The following TBXAS1 variants were observed in gnomAD, a reference collection of about 807,000 sequenced individuals.
TBXAS1 encodes the protein thromboxane A synthase 1, also known as thromboxane-A synthase.
Under a neutral mutation model 60.7 loss-of-function variants are expected in TBXAS1, and 48 were observed. That is an observed-to-expected ratio of 0.79 (90% CI 0.63 to 1.01). The LOEUF is 1.01. TBXAS1 is among the 50% of genes least tolerant of loss of function. The pLI, the probability that TBXAS1 is intolerant of heterozygous loss-of-function variation, is 0.00. For missense variants in TBXAS1, 685 were observed against 686.3 expected (o/e 1.00, Z 0.02); for synonymous variants, 287 against 269.7 (o/e 1.06, Z -0.63).
chr7:139,885,635 C>G (rs916666208), intron 3 of TBXAS1, among the ~76,000 whole-genome samples: 1 of 152,160 alleles, frequency 6.6e-6, no homozygotes, highest in East Asian at 1.9e-4. Context: ...GAAAGACAAG[C>G]CATCTTTGAT....
intron 4 of TBXAS1, among the ~76,000 whole-genome samples, chr7:139,795,474 A>T: frequency 1.0e-5 from 1 of 96,076 alleles, no homozygotes; most frequent in Non-Finnish European, 2.1e-5. Context: ...TTGCCTGTTC[A>T]CTCTGATGGT....
At chr7:139,964,666 G>C (rs1810642642) in intron 9 of TBXAS1, among the ~76,000 whole-genome samples, 1 of 151,908 alleles carries the variant, frequency 6.6e-6, no homozygotes, top group Non-Finnish European at 1.5e-5. Flanking sequence ...GCTAGGAGAG[G>C]GGGCAGAAGC....
chr7:139,827,385 ATAGT>A (rs545337206), upstream of TBXAS1, among the ~76,000 whole-genome samples: 154 of 152,328 alleles, frequency 1.0e-3, 1 homozygote, highest in Admixed American at 8.3e-3. Flanking sequence ...AAGGCAGCAG[ATAGT>A]TAGTTGGTGA....
intron 4 of TBXAS1, among the ~76,000 whole-genome samples, chr7:139,802,775 C>T (rs1787607326): frequency 6.6e-6 from 1 of 151,952 alleles, no homozygotes; most frequent in Admixed American, 6.6e-5. Context: ...CAGAGTGAGA[C>T]TTGGTCTCAA....
Position 139,997,462 on chromosome 7 carries a change from G to A in TBXAS1, c.1135-9629G>A, listed in dbSNP as rs760911815. On this transcript the variant is annotated intron_variant, in intron 9 of 12. Transcript: ENST00000448866. Reference sequence around the variant, plus strand: ...TCGAATCTAGTTGATGTTGGAATGCGTTTTTGCTTATGAGTGCTGAGTGCT... The same window carrying A: ...TCGAATCTAGTTGATGTTGGAATGCATTTTTGCTTATGAGTGCTGAGTGCT... Among the ~76,000 whole-genome samples the A allele has an allele frequency of 7.9e-5, 12 of 152,220 alleles. No homozygotes were observed. In the East Asian group the frequency reaches 9.6e-4, roughly 12 times the overall value.
intron 1 of TBXAS1, among the ~76,000 whole-genome samples, chr7:139,779,760 G>A (rs1400663350): frequency 6.6e-6 from 1 of 152,212 alleles, no homozygotes; most frequent in Non-Finnish European, 1.5e-5. Context: ...GTGGGGCTGA[G>A]TGCCTTGGCT....
chr7:139,899,082 A>G lies in TBXAS1; in HGVS notation c.237-12143A>G, dbSNP rs144997499. Among the ~76,000 whole-genome samples the G allele has an allele frequency of 6.7e-4, 102 of 151,880 alleles. 1 individual carries two copies. The highest frequency in any genetic ancestry group is 2.1e-3 in the African/African-American group (89 of 41,406). ...ACTGAACGTTCAAGGAATAGATAAGATGAAAAGGACAGTGCCCCATAATTT... is the reference window on the plus strand; with the variant it reads ...ACTGAACGTTCAAGGAATAGATAAGGTGAAAAGGACAGTGCCCCATAATTT... On this transcript the variant is annotated intron_variant, in intron 3 of 12. Coordinates refer to ENST00000448866, the MANE Select transcript of TBXAS1 (RefSeq NM_001061.7).
intron 8 of TBXAS1, 90 bp from the exon 9 acceptor site, chr7:139,961,829 C>A: frequency 2.0e-6 from 3 of 1,497,810 alleles, no homozygotes; most frequent in Non-Finnish European, 2.8e-6. Flanking sequence ...AAAAGCTATG[C>A]CCATGTATCT....
chr7:139,905,048 T>TC (rs1470288778), intron 3 of TBXAS1, among the ~76,000 whole-genome samples: 5 of 90,716 alleles, frequency 5.5e-5, no homozygotes, highest in African/African-American at 2.9e-4. Flanking sequence ...TCTTTCTTTC[T>TC]TTCTTTCTTT....
chr7:139,905,031 CTTTCTTTCTT>C (rs1804916891), intron 3 of TBXAS1, among the ~76,000 whole-genome samples: 1 of 84,900 alleles, frequency 1.2e-5, no homozygotes, highest in African/African-American at 5.8e-5. Context: ...TTCTTTCTTT[CTTTCTTTCTT>C]TCTTTCTTTC....
Position 139,875,659 on chromosome 7 carries a change from T to G in TBXAS1, c.236+22T>G, listed in dbSNP as rs17161199. ...GTGGGTAAGAAGGAAACTCAACGTT[T>G]CTATTATGTACGATATTTTCTATTA... On this transcript the variant is annotated intron_variant, in intron 3 of 12. Transcript: ENST00000448866. The G allele has an allele frequency of 8.4e-3, 13,520 of 1,613,872 alleles. 158 individuals carry two copies. Among genetic ancestry groups the G allele is most frequent in the African/African-American group, 0.035 (2,607 of 75,032 alleles).
intron 1 of TBXAS1, among the ~76,000 whole-genome samples, chr7:139,851,950 G>C (rs943351700): frequency 6.6e-6 from 1 of 152,212 alleles, no homozygotes; most frequent in Admixed American, 6.5e-5. Flanking sequence ...GATTATTGGA[G>C]ACTGGGGTTT....
intron 3 of TBXAS1, among the ~76,000 whole-genome samples, chr7:139,891,473 G>A (rs908541459): frequency 2.0e-5 from 3 of 152,114 alleles, no homozygotes; most frequent in African/African-American, 4.8e-5. Context: ...TGGCTAGTAA[G>A]AGGTGTGAGC....
rs149798234 is a variant in TBXAS1 at position 139,847,964 on chromosome 7, G to T, written c.89+18485G>T. The stretch of plus-strand genomic sequence containing the variant: ...AGCCTCTCAAGTAGCTAGAACTATA[G>T]ACATGTGCCACCATGCCCAGTTAAT... On this transcript the variant is annotated intron_variant, in intron 1 of 12. Transcript: ENST00000448866. Among the ~76,000 whole-genome samples, 1,220 of 152,182 alleles carry T rather than the reference G, an allele frequency of 8.0e-3. 9 individuals are homozygous for T. Among genetic ancestry groups the T allele is most frequent in the Non-Finnish European group, 0.012 (808 of 68,016 alleles).
intron 9 of TBXAS1, among the ~76,000 whole-genome samples, chr7:139,986,107 C>A (rs1364425976): frequency 6.6e-6 from 1 of 152,210 alleles, no homozygotes; most frequent in Non-Finnish European, 1.5e-5. Flanking sequence ...ACAGAATGGA[C>A]ATGGGGAGGC....
intron 4 of TBXAS1, among the ~76,000 whole-genome samples, chr7:139,809,149 A>ATAGG: frequency 1.3e-5 from 2 of 148,478 alleles, no homozygotes; most frequent in African/African-American, 5.0e-5. Flanking sequence ...CCAATAGGAG[A>ATAGG]TAGGTAGATA....
At position 139,962,446 on chromosome 7, in the gene TBXAS1, G is replaced by A. The variant is rs577600024; in HGVS notation, c.1134+213G>A. The A allele has an allele frequency of 3.8e-4, 217 of 566,924 alleles. No individual in the cohort carries two copies. The African/African-American group carries it at 3.9e-3, about 10-fold the overall frequency. 35.1% of individuals were successfully genotyped at this position (566,924 alleles called of 1,614,324 possible). A position where few individuals can be genotyped will look rare whatever the true frequency, so the allele number is the denominator to read the frequency against. ...TAACCACAACAAAAAGACAAATTGT[G>A]TGTGCACCTTCACTGTCTGGGGTAG... On this transcript the variant is annotated intron_variant, in intron 9 of 12. Coordinates refer to ENST00000448866, the MANE Select transcript of TBXAS1 (RefSeq NM_001061.7).
At chr7:139,933,479 C>A (rs1012692889) in intron 4 of TBXAS1, among the ~76,000 whole-genome samples, 1 of 152,100 alleles carries the variant, frequency 6.6e-6, no homozygotes, top group African/African-American at 2.4e-5. Context: ...ACTCTGGAAC[C>A]TAAACAAATG....
chr7:139,799,605 C>T (rs1368996707), intron 4 of TBXAS1, among the ~76,000 whole-genome samples: 1 of 152,176 alleles, frequency 6.6e-6, no homozygotes, highest in Non-Finnish European at 1.5e-5. Context: ...ATACACCCCC[C>T]TTTGGCTTCC....
Sources: gnomAD v4.1 joint callset for allele counts (sites outside exome capture counted in the v4.1 genomes callset) on GRCh38, gnomAD v4.1.1 for gene constraint, MANE v1.5 for transcripts, NCBI Gene and HGNC (gene_info 2026-07-23, HGNC 2026-07-21) for gene names.